COL22A1: variants seen among roughly 807,000 people sequenced by gnomAD.
COL22A1 encodes the protein collagen alpha-1(XXII) chain.
In COL22A1, 221 loss-of-function variants were observed where a neutral mutation model predicts 248.9. The ratio of observed to expected loss-of-function variants is 0.89; its 90% CI spans 0.80 to 0.99. The LOEUF is 0.99. Ranked by LOEUF, COL22A1 falls within the 50% of genes least tolerant of loss-of-function variation. COL22A1 has a pLI of 0.00. For synonymous variants in COL22A1, 891 were observed against 793.4 expected (o/e 1.12, Z -2.07); for missense variants, 2,240 against 2,179.0 (o/e 1.03, Z -0.56).
At chr8:138,617,297 C>T (rs759417967) in intron 53 of COL22A1, among the ~76,000 whole-genome samples, 7 of 152,122 alleles carry the variant, frequency 4.6e-5, no homozygotes, top group South Asian at 4.1e-4. Flanking sequence ...TAGCTTGGCC[C>T]GCCCCTCTCT....
Position 138,724,659 on chromosome 8 carries a change from C to T in COL22A1, c.2203G>A (p.Gly735Arg). ...GGCTTTCCCGGGAAGCCGATCTCTC[C>T]AGGCAAACCCTGAAAGGGGACCACA... ...PGPGGSPGLP[G>R]EIGFPGKPGP... is the part of the protein sequence containing the mutation. Residue 735 changes from glycine (G) to arginine (R), a missense_variant, in exon 25 of 65, where the codon GGA (glycine) becomes AGA (arginine). Transcript: ENST00000303045. 6.2e-7 allele frequency: 1 copy of T among 1,614,182 alleles called. No homozygotes were observed. The highest frequency in any genetic ancestry group is 8.5e-7 in the Non-Finnish European group (1 of 1,179,984).
chr8:138,606,582 G>A, intron 57 of COL22A1, 130 bp from the exon 58 acceptor site: 1 of 860,794 alleles, frequency 1.2e-6, no homozygotes, highest in Non-Finnish European at 1.9e-6. Context: ...CTCCCATGAT[G>A]GAGGGGCATG....
At chr8:138,641,709 T>C (rs1260612579) in intron 47 of COL22A1, among the ~76,000 whole-genome samples, 1 of 152,162 alleles carries the variant, frequency 6.6e-6, no homozygotes, top group Admixed American at 6.5e-5. Context: ...ACTTCCCCGA[T>C]GCTGCATTGC....
chr8:138,670,707 T>C (rs922077150), intron 41 of COL22A1, among the ~76,000 whole-genome samples: 6 of 151,930 alleles, frequency 3.9e-5, no homozygotes, highest in African/African-American at 1.2e-4. Flanking sequence ...CGTTTGTAAT[T>C]CCAACACTTT....
intron 47 of COL22A1, among the ~76,000 whole-genome samples, chr8:138,643,647 T>TAGAC (rs145689286): frequency 1.5e-4 from 4 of 26,624 alleles, no homozygotes; most frequent in East Asian, 0.013. Context: ...GATAGATAGA[T>TAGAC]AGACAGATAG....
chr8:138,838,095 G>A (rs761477513), intron 4 of COL22A1, among the ~76,000 whole-genome samples: 20 of 151,306 alleles, frequency 1.3e-4, no homozygotes, highest in East Asian at 2.0e-4. Context: ...AGAGAGCACC[G>A]CAGCCGGCCA....
At chr8:138,717,053 C>T (rs1321554141) in intron 27 of COL22A1, among the ~76,000 whole-genome samples, 184 bp from the exon 28 acceptor site, 2 of 152,184 alleles carry the variant, frequency 1.3e-5, no homozygotes, top group African/African-American at 4.8e-5. Flanking sequence ...AGCATTTTTG[C>T]AGAGCAGAAT....
chr8:138,838,418 C>G (rs1459850100), intron 4 of COL22A1, among the ~76,000 whole-genome samples: 2 of 152,056 alleles, frequency 1.3e-5, no homozygotes, highest in Non-Finnish European at 2.9e-5. Context: ...AAGTCAGGGC[C>G]GGGAACTGCA....
chr8:138,743,729 G>A (rs1240884022), intron 22 of COL22A1, among the ~76,000 whole-genome samples: 2 of 152,148 alleles, frequency 1.3e-5, no homozygotes, highest in African/African-American at 2.4e-5. Context: ...TTGCTACCCA[G>A]CACAATATCT....
intron 59 of COL22A1, among the ~76,000 whole-genome samples, chr8:138,603,601 G>C (rs1362173772): frequency 6.6e-6 from 1 of 152,160 alleles, no homozygotes; most frequent in Non-Finnish European, 1.5e-5. Flanking sequence ...CCAAGTACAA[G>C]CACATGGGGC....
At chr8:138,860,377 A>G (rs1574172) in intron 3 of COL22A1, among the ~76,000 whole-genome samples, 127,047 of 152,212 alleles carry the variant, frequency 0.83, 53,353 homozygotes, top group East Asian at 0.97. Flanking sequence ...TCACCCTGAC[A>G]TTGCACCCAG....
At chr8:138,893,387 T>C (rs1825197492) in intron 1 of COL22A1, among the ~76,000 whole-genome samples, 1 of 152,250 alleles carries the variant, frequency 6.6e-6, no homozygotes, top group African/African-American at 2.4e-5. Context: ...CTTTGATGTA[T>C]GAAGTGGGGA....
At chr8:138,602,647 A>T (rs1389931433) in intron 59 of COL22A1, among the ~76,000 whole-genome samples, 1 of 152,154 alleles carries the variant, frequency 6.6e-6, no homozygotes, top group Non-Finnish European at 1.5e-5. Flanking sequence ...CTCTTCAGGA[A>T]GCCCCCCGAT....
At chr8:138,765,786 GAGAA>G (rs898253221) in intron 16 of COL22A1, among the ~76,000 whole-genome samples, 22 of 152,218 alleles carry the variant, frequency 1.4e-4, no homozygotes, top group Non-Finnish European at 2.5e-4. Context: ...TGCCCAGAGA[GAGAA>G]AGAGTGAAGC....
At chr8:138,805,161 A>G (rs1817395032) in intron 10 of COL22A1, among the ~76,000 whole-genome samples, 1 of 107,976 alleles carries the variant, frequency 9.3e-6, no homozygotes, top group African/African-American at 3.8e-5. Context: ...GGGTATGTGC[A>G]TGAGGGTGTG....
At chr8:138,765,217 C>A (rs1833817878) in intron 16 of COL22A1, among the ~76,000 whole-genome samples, 1 of 152,184 alleles carries the variant, frequency 6.6e-6, no homozygotes, top group African/African-American at 2.4e-5. Context: ...GTCCTTTCGT[C>A]CTTGGTCTCT....
chr8:138,882,530 TCA>T (rs1284292135), intron 2 of COL22A1, among the ~76,000 whole-genome samples: 2 of 142,746 alleles, frequency 1.4e-5, no homozygotes, highest in African/African-American at 2.7e-5. Flanking sequence ...CTACACTTCC[TCA>T]CACTCCCCCA....
chr8:138,667,529 C>T (rs1272576005), intron 41 of COL22A1, among the ~76,000 whole-genome samples: 1 of 149,314 alleles, frequency 6.7e-6, no homozygotes, highest in African/African-American at 2.6e-5. Flanking sequence ...ATTCTTAGAA[C>T]AAACAGCAAC....
chr8:138,703,833 T>A (rs1463359611), intron 30 of COL22A1, among the ~76,000 whole-genome samples: 1 of 151,984 alleles, frequency 6.6e-6, no homozygotes, highest in Non-Finnish European at 1.5e-5. Flanking sequence ...GGGCATTGCC[T>A]CACCCAGGAG....
Sources: allele counts gnomAD v4.1 joint callset (sites outside exome capture counted in the v4.1 genomes callset), GRCh38; gene constraint gnomAD v4.1.1; transcripts MANE v1.5; gene names NCBI Gene and HGNC (gene_info 2026-07-23, HGNC 2026-07-21).